PSMA1: variants seen among roughly 807,000 people sequenced by gnomAD.
The protein encoded by PSMA1 is proteasome 20S subunit alpha 1.
A neutral mutation model predicts 38.4 loss-of-function variants in PSMA1; 3 were observed. That is an observed-to-expected ratio of 0.08 (90% CI 0.04 to 0.20). The LOEUF is 0.20. Among genes scored for constraint, PSMA1 ranks in the 10% least tolerant of loss-of-function variants. The probability of loss-of-function intolerance (pLI) is 1.00; values close to 1 mark genes in which losing one functional copy is unlikely to be tolerated. For synonymous variants in PSMA1, 101 were observed against 107.1 expected, an observed-to-expected ratio of 0.94 and a Z score of 0.35; for missense variants, 227 against 325.3, an observed-to-expected ratio of 0.70 and a Z score of 2.32.
chr11:14,584,653 C>G (rs1189797176), intron 2 of PSMA1, among the ~76,000 whole-genome samples: 2 of 152,096 alleles, frequency 1.3e-5, no homozygotes, highest in African/African-American at 2.4e-5. Context: ...TGATTCTATT[C>G]CTGTCTCATA....
At chr11:14,531,488 G>A (rs955922510) in intron 2 of PSMA1, among the ~76,000 whole-genome samples, 1 of 151,988 alleles carries the variant, frequency 6.6e-6, no homozygotes, top group Non-Finnish European at 1.5e-5. Context: ...TTAGAGATAG[G>A]GTCTCATTCT....
In PSMA1 at chr11:14,633,206, AG is replaced by A. The variant is rs1280480711; in HGVS notation, c.-166+10248del. Among the ~76,000 whole-genome samples, 5 of 149,122 alleles carry A rather than the reference AG, an allele frequency of 3.4e-5. No individual in the cohort carries two copies. The East Asian group carries it at 9.8e-4, about 29-fold the overall frequency. The stretch of plus-strand genomic sequence containing the variant: ...GAACTGCGTTCCTTTGGAGGAGGAG[AG>A]GCGCTCTGCTTTTTAGAGTTTCCAG... On this transcript the variant is annotated intron_variant, in intron 1 of 10. Transcript: ENST00000418988.
At chr11:14,622,097 A>C (rs1320026667) in intron 1 of PSMA1, among the ~76,000 whole-genome samples, 1 of 152,204 alleles carries the variant, frequency 6.6e-6, no homozygotes, top group Non-Finnish European at 1.5e-5. Flanking sequence ...AAAGTATGTA[A>C]GACTGGGTAC....
Position 14,576,238 on chromosome 11 carries a change from T to A in PSMA1, c.21+34728A>T, listed in dbSNP as rs868332694. Reference sequence around the variant, plus strand: ...CTCCCATTCTGTAGGTTGCCTGTTCTCTCTGATGGTAGTTTCTTTTGCTGT... The same window carrying A: ...CTCCCATTCTGTAGGTTGCCTGTTCACTCTGATGGTAGTTTCTTTTGCTGT... On this transcript the variant is annotated intron_variant, in intron 2 of 10. Coordinates refer to the PSMA1 transcript ENST00000418988. Among the ~76,000 whole-genome samples, 1,308 of 152,254 alleles carry A rather than the reference T, an allele frequency of 8.6e-3. 13 individuals are homozygous for A. Among genetic ancestry groups the A allele is most frequent in the African/African-American group, 0.03 (1,249 of 41,554 alleles).
chr11:14,599,789 A>G (rs1852556031), intron 2 of PSMA1, among the ~76,000 whole-genome samples: 1 of 152,186 alleles, frequency 6.6e-6, no homozygotes, highest in Non-Finnish European at 1.5e-5. Flanking sequence ...GTTGCTGGCT[A>G]GGAGCTGTGT....
At chr11:14,569,366 G>A (rs964013391) in intron 2 of PSMA1, among the ~76,000 whole-genome samples, 1 of 152,122 alleles carries the variant, frequency 6.6e-6, no homozygotes, top group Non-Finnish European at 1.5e-5. Context: ...GGGCTTGTCG[G>A]ACAGTGAGTG....
intron 2 of PSMA1, among the ~76,000 whole-genome samples, chr11:14,569,449 C>G (rs916570047): frequency 6.6e-6 from 1 of 152,176 alleles, no homozygotes; most frequent in African/African-American, 2.4e-5. Flanking sequence ...TTGGGGAATT[C>G]CCTTTCCTAG....
chr11:14,635,932 C>A (rs1853108410), intron 1 of PSMA1, among the ~76,000 whole-genome samples: 1 of 152,132 alleles, frequency 6.6e-6, no homozygotes, highest in African/African-American at 2.4e-5. Context: ...TTTATCATAT[C>A]TATTTCTAGA....
At chr11:14,595,735 T>C (rs1354310399) in intron 2 of PSMA1, among the ~76,000 whole-genome samples, 2 of 152,374 alleles carry the variant, frequency 1.3e-5, no homozygotes. Flanking sequence ...GTGCAGAAGC[T>C]CTTGAGTTTA....
chr11:14,625,532 G>C lies in PSMA1; in HGVS notation c.-165-14381C>G, dbSNP rs1051566214. ...CCATTACTCTTCTGGATCCACCCCT[G>C]TTTCAGTACTGAGGCAATACTTCTT... On this transcript the variant is annotated intron_variant, in intron 1 of 10. Transcript: ENST00000418988. Among the ~76,000 whole-genome samples the C allele has an allele frequency of 3.3e-5, 5 of 152,106 alleles. No individual in the cohort carries two copies. In the East Asian group the frequency reaches 9.7e-4, roughly 29 times the overall value.
chr11:14,571,654 C>T (rs568736046), intron 2 of PSMA1, among the ~76,000 whole-genome samples: 1 of 152,312 alleles, frequency 6.6e-6, no homozygotes, highest in East Asian at 1.9e-4. Flanking sequence ...ATCAAATTCA[C>T]ACATAACAAT....
chr11:14,537,660 A>G (rs947165327), intron 2 of PSMA1, among the ~76,000 whole-genome samples: 3 of 151,498 alleles, frequency 2.0e-5, no homozygotes, highest in African/African-American at 7.3e-5. Flanking sequence ...AAAATAGAGA[A>G]GGAAAATTAT....
At chr11:14,632,878 T>C (rs1405871327) in intron 1 of PSMA1, among the ~76,000 whole-genome samples, 1 of 152,078 alleles carries the variant, frequency 6.6e-6, no homozygotes, top group South Asian at 2.1e-4. Flanking sequence ...TCACTTCATT[T>C]CATTCATTTC....
chr11:14,530,308 T>C (rs1445003123), intron 2 of PSMA1, among the ~76,000 whole-genome samples: 2 of 152,048 alleles, frequency 1.3e-5, no homozygotes, highest in Non-Finnish European at 2.9e-5. Flanking sequence ...CAGCTAAGAG[T>C]TGCAAAAACA....
chr11:14,595,504 T>G lies in PSMA1; in HGVS notation c.21+15462A>C, dbSNP rs372724628. ...TGATTTGCATTTCTCTGATGACCAGTGATGATGAGCATTTTTTCATGTGTC... is the reference window on the plus strand; with the variant it reads ...TGATTTGCATTTCTCTGATGACCAGGGATGATGAGCATTTTTTCATGTGTC... On this transcript the variant is annotated intron_variant, in intron 2 of 10. Transcript: ENST00000418988. Among the ~76,000 whole-genome samples the G allele has an allele frequency of 2.4e-4, 37 of 152,356 alleles. No individual in the cohort carries two copies. In the South Asian group the frequency reaches 7.5e-3, roughly 31 times the overall value.
intron 1 of PSMA1, among the ~76,000 whole-genome samples, chr11:14,631,432 T>A (rs1386511578): frequency 6.6e-6 from 1 of 152,112 alleles, no homozygotes; most frequent in Non-Finnish European, 1.5e-5. Context: ...TACCCAGTAG[T>A]CATTCAGGAG....
chr11:14,562,989 T>C (rs1852027434), intron 2 of PSMA1, among the ~76,000 whole-genome samples: 1 of 152,222 alleles, frequency 6.6e-6, no homozygotes, highest in African/African-American at 2.4e-5. Flanking sequence ...TATTATGTCA[T>C]TTATGTAATC....
intron 2 of PSMA1, among the ~76,000 whole-genome samples, chr11:14,566,986 T>TCC (rs1852079934): frequency 6.6e-6 from 1 of 152,106 alleles, no homozygotes; most frequent in Non-Finnish European, 1.5e-5. Context: ...ACCAGACATG[T>TCC]AGAGTCAGGC....
At chr11:14,619,804 T>C (rs943494498) in intron 1 of PSMA1, among the ~76,000 whole-genome samples, 5 of 152,182 alleles carry the variant, frequency 3.3e-5, no homozygotes, top group African/African-American at 9.7e-5. Context: ...TTCTAGGTGA[T>C]GAGTACTGGG....
Sources: allele counts gnomAD v4.1 joint callset (sites outside exome capture counted in the v4.1 genomes callset), GRCh38; gene constraint gnomAD v4.1.1; transcripts MANE v1.5; gene names NCBI Gene and HGNC (gene_info 2026-07-23, HGNC 2026-07-21).